The following IPO11 variants were observed in gnomAD, a reference collection of about 807,000 sequenced individuals.
IPO11 encodes the protein importin 11.
In IPO11, 66 loss-of-function variants were observed where a neutral mutation model predicts 143.2. The observed-to-expected ratio is 0.46, with a 90% CI of 0.38 to 0.57. The LOEUF is 0.57. Among genes scored for constraint, IPO11 ranks in the 20% least tolerant of loss-of-function variants. The probability of loss-of-function intolerance (pLI) is 0.00; values close to 1 mark genes in which losing one functional copy is unlikely to be tolerated. For missense variants in IPO11, 1,026 were observed against 1,141.0 expected (o/e 0.90, Z 1.45); for synonymous variants, 385 against 377.8 (o/e 1.02, Z -0.22).
intron 5 of IPO11, 82 bp from the exon 6 acceptor site, chr5:62,467,049 T>G: frequency 5.6e-5 from 72 of 1,290,286 alleles, no homozygotes; most frequent in Non-Finnish European, 7.4e-5. Context: ...GTTGTAAAAC[T>G]AAAATATATT....
intron 24 of IPO11, among the ~76,000 whole-genome samples, chr5:62,546,265 G>A (rs1157869659): frequency 1.3e-5 from 2 of 152,152 alleles, no homozygotes; most frequent in African/African-American, 2.4e-5. Flanking sequence ...ATACTATGCA[G>A]CCATAAAAAA....
At chr5:62,570,449 T>C (rs571863992) in intron 27 of IPO11, among the ~76,000 whole-genome samples, 27 of 152,326 alleles carry the variant, frequency 1.8e-4, no homozygotes, top group East Asian at 9.6e-4. Context: ...ACATTAGAAC[T>C]AAAATGCTCA....
intron 11 of IPO11, 86 bp from the exon 12 acceptor site, chr5:62,485,333 C>T: frequency 9.1e-7 from 1 of 1,101,462 alleles, no homozygotes; most frequent in African/African-American, 1.6e-5. Flanking sequence ...AAAGAGTTCA[C>T]AAAAATATTA....
intron 3 of IPO11, among the ~76,000 whole-genome samples, chr5:62,448,224 C>T (rs1744788256): frequency 6.6e-6 from 1 of 151,754 alleles, no homozygotes; most frequent in Non-Finnish European, 1.5e-5. Context: ...GTCTAGTGGG[C>T]AGGTAGCATG....
intron 29 of IPO11, among the ~76,000 whole-genome samples, chr5:62,608,333 C>CT (rs1451403845): frequency 2.6e-5 from 4 of 152,220 alleles, no homozygotes; most frequent in African/African-American, 9.6e-5. Flanking sequence ...CTCACCCTCT[C>CT]TATTTCAGAC....
chr5:62,448,111 T>C (rs911992567), intron 3 of IPO11, among the ~76,000 whole-genome samples: 2 of 152,180 alleles, frequency 1.3e-5, no homozygotes, highest in African/African-American at 4.8e-5. Flanking sequence ...CTGCAGGTGA[T>C]AGGTTCCAAG....
At chr5:62,418,897 T>C (rs541081135) in intron 1 of IPO11, 1 of 1,243,610 alleles carries the variant, frequency 8.0e-7, no homozygotes, top group Admixed American at 2.5e-5. Flanking sequence ...GCACCAGGTG[T>C]GAAACTGCTG....
intron 21 of IPO11, among the ~76,000 whole-genome samples, chr5:62,527,108 CTAGT>C (rs767621238): frequency 6.6e-6 from 1 of 152,146 alleles, no homozygotes; most frequent in Admixed American, 6.5e-5. Context: ...TAAAACTTTA[CTAGT>C]TAGATACTTA....
At chr5:62,573,018 A>G (rs964551209) in intron 27 of IPO11, among the ~76,000 whole-genome samples, 4 of 151,996 alleles carry the variant, frequency 2.6e-5, no homozygotes, top group African/African-American at 9.7e-5. Context: ...TTATATATGG[A>G]AATGTGGTAG....
At chr5:62,580,074 A>C in intron 27 of IPO11, 1 of 1,551,156 alleles carries the variant, frequency 6.4e-7, no homozygotes, top group East Asian at 2.4e-5. Flanking sequence ...TGTATTTAGG[A>C]AGTAATAATT....
chr5:62,618,169 A>T (rs1388468389), intron 29 of IPO11, among the ~76,000 whole-genome samples: 1 of 152,192 alleles, frequency 6.6e-6, no homozygotes, highest in Non-Finnish European at 1.5e-5. Context: ...ACCACATTAA[A>T]GTAAAACCAG....
chr5:62,497,475 A>C (rs1188656583), intron 16 of IPO11, among the ~76,000 whole-genome samples: 1 of 152,018 alleles, frequency 6.6e-6, no homozygotes, highest in African/African-American at 2.4e-5. Context: ...TTTATTGATT[A>C]CTTTTTTTTT....
chr5:62,519,084 T>TA (rs746920001), intron 20 of IPO11, among the ~76,000 whole-genome samples: 2 of 152,186 alleles, frequency 1.3e-5, no homozygotes, highest in Non-Finnish European at 2.9e-5. Context: ...ACAGAGGTGT[T>TA]ACTCAAATTT....
At chr5:62,442,136 G>A (rs930803556) in intron 2 of IPO11, among the ~76,000 whole-genome samples, 2 of 152,090 alleles carry the variant, frequency 1.3e-5, no homozygotes, top group South Asian at 2.1e-4. Context: ...GAGCTACCGC[G>A]CCCAGCTTTA....
Position 62,561,136 on chromosome 5 carries a change from A to G in IPO11, c.2461A>G (p.Met821Val), listed in dbSNP as rs1422636090. The G allele has an allele frequency of 1.9e-6, 3 of 1,602,862 alleles. No homozygotes were observed. The highest frequency in any genetic ancestry group is 2.7e-5 in the African/African-American group (2 of 74,362). Residue 821 changes from methionine (M) to valine (V), a missense_variant and splice_region_variant, in exon 27 of 30, where the codon ATG (methionine) becomes GTG (valine). Met to Val is a conservative substitution (Grantham distance 21). Coordinates refer to ENST00000325324, the MANE Select transcript of IPO11 (RefSeq NM_016338.5). The part of the protein sequence containing the change: ...NEMAHKFNQE[M>V]DQLLGNMIEM... ...GAGATGCCTCCTCCTCTTGTTTCAG[A>G]TGGACCAGCTTTTGGGAAATATGAT... is the stretch of plus-strand genomic sequence containing the variant.
At chr5:62,605,630 A>G (rs1745682310) in intron 29 of IPO11, among the ~76,000 whole-genome samples, 1 of 151,848 alleles carries the variant, frequency 6.6e-6, no homozygotes, top group African/African-American at 2.4e-5. Context: ...TCTGACTCAT[A>G]GTCACTTGTA....
At chr5:62,477,477 G>A (rs1360071626) in intron 9 of IPO11, among the ~76,000 whole-genome samples, 4 of 152,100 alleles carry the variant, frequency 2.6e-5, no homozygotes, top group Non-Finnish European at 5.9e-5. Flanking sequence ...TGTGTTTTAG[G>A]TAGTAATTAC....
rs1011929344 is a variant in IPO11 at position 62,468,711 on chromosome 5, A to C, written c.649+1448A>C. On this transcript the variant is annotated intron_variant, in intron 6 of 29. Transcript: ENST00000325324. ...ATTTCAAAGCCTAACTCCTGACGAA[A>C]AAGATGTAGCTTTACTATATCTTTG... is the stretch of plus-strand genomic sequence containing the variant. Among the ~76,000 whole-genome samples, 4 of 152,202 alleles carry C rather than the reference A, an allele frequency of 2.6e-5. 1 individual carries two copies. The highest frequency in any genetic ancestry group is 2.6e-4 in the Admixed American group (4 of 15,266).
intron 21 of IPO11, among the ~76,000 whole-genome samples, chr5:62,528,901 A>G (rs1279354967): frequency 6.6e-6 from 1 of 152,164 alleles, no homozygotes; most frequent in East Asian, 1.9e-4. Flanking sequence ...CAGACTGATT[A>G]TGTGATTTAT....
Sources: gnomAD v4.1 joint callset for allele counts (sites outside exome capture counted in the v4.1 genomes callset) on GRCh38, gnomAD v4.1.1 for gene constraint, MANE v1.5 for transcripts, NCBI Gene and HGNC (gene_info 2026-07-23, HGNC 2026-07-21) for gene names.